Variants in EFNA5 observed in about 807,000 individuals in gnomAD.
EFNA5 encodes the protein ephrin A5, also known as ephrin-A5.
EFNA5 carries 5 observed loss-of-function variants against 22.9 expected under a neutral mutation model. The observed-to-expected ratio is 0.22, with a 90% confidence interval of 0.11 to 0.46. EFNA5 has a LOEUF of 0.46. EFNA5 is among the 20% of genes least tolerant of loss of function. The pLI, the probability that EFNA5 is intolerant of heterozygous loss-of-function variation, is 0.99. For synonymous variants in EFNA5, 113 were observed against 112.2 expected (o/e 1.01, Z -0.04); for missense variants, 237 against 293.3 (o/e 0.81, Z 1.40).
intron 1 of EFNA5, among the ~76,000 whole-genome samples, chr5:107,582,948 G>A (rs1019367333): frequency 2.6e-5 from 4 of 152,060 alleles, no homozygotes; most frequent in African/African-American, 4.8e-5. Context: ...ATGGCTTGAA[G>A]GGTTATAACA....
Position 107,380,905 on chromosome 5 carries a change from G to C in EFNA5, c.*350C>G, listed in dbSNP as rs892240216. ...TCCTTGTCCATAGCCCGCTGACACA[G>C]TGCGCTAACGGAGGTGAGTTCTTAG... On this transcript the variant is annotated 3_prime_UTR_variant, in exon 5 of 5. Transcript: ENST00000333274. The C allele has an allele frequency of 4.7e-6, 2 of 429,854 alleles. No individual in the cohort carries two copies. Among genetic ancestry groups the C allele is most frequent in the African/African-American group, 3.9e-5 (2 of 50,834 alleles). The allele number at this position is 429,854 out of a possible 1,614,324, so 26.6% of individuals were successfully genotyped here.
At chr5:107,608,512 A>G (rs965333525) in intron 1 of EFNA5, among the ~76,000 whole-genome samples, 1 of 152,230 alleles carries the variant, frequency 6.6e-6, no homozygotes, top group Non-Finnish European at 1.5e-5. Flanking sequence ...CTGCCTGCCT[A>G]TCTCAGCTGA....
At chr5:107,521,898 T>C (rs1747607364) in intron 1 of EFNA5, among the ~76,000 whole-genome samples, 2 of 152,132 alleles carry the variant, frequency 1.3e-5, no homozygotes, top group African/African-American at 2.4e-5. Flanking sequence ...GGATCAGTGA[T>C]CATTGCACAC....
chr5:107,631,823 T>A (rs1205433301), intron 1 of EFNA5, among the ~76,000 whole-genome samples: 1 of 152,252 alleles, frequency 6.6e-6, no homozygotes, highest in Non-Finnish European at 1.5e-5. Context: ...TTTCTCAAAG[T>A]AATACATATA....
intron 1 of EFNA5, among the ~76,000 whole-genome samples, chr5:107,666,309 A>C (rs1751064612): frequency 6.6e-6 from 1 of 152,042 alleles, no homozygotes; most frequent in South Asian, 2.1e-4. Context: ...ACTCAAGGGA[A>C]TATGATTAGG....
chr5:107,419,560 T>C (rs1490401578), intron 2 of EFNA5, among the ~76,000 whole-genome samples: 1 of 152,228 alleles, frequency 6.6e-6, no homozygotes, highest in African/African-American at 2.4e-5. Flanking sequence ...TTTGCATCTA[T>C]ATCTGGGTAC....
intron 1 of EFNA5, among the ~76,000 whole-genome samples, chr5:107,461,495 A>G (rs1211594473): frequency 7.2e-5 from 11 of 152,218 alleles, no homozygotes; most frequent in East Asian, 1.9e-4. Context: ...GAGGGGGGAA[A>G]AAAAGACCTT....
At chr5:107,489,660 A>C (rs1580488713) in intron 1 of EFNA5, among the ~76,000 whole-genome samples, 2 of 143,166 alleles carry the variant, frequency 1.4e-5, no homozygotes, top group African/African-American at 5.2e-5. Flanking sequence ...GACCCCACCT[A>C]CCCCCCCCAC....
chr5:107,607,678 C>T (rs1254851663), intron 1 of EFNA5, among the ~76,000 whole-genome samples: 1 of 152,144 alleles, frequency 6.6e-6, no homozygotes, highest in Non-Finnish European at 1.5e-5. Flanking sequence ...TTCTCCTTCA[C>T]CTCTCAACAC....
chr5:107,439,256 A>G (rs1749193092), intron 1 of EFNA5, among the ~76,000 whole-genome samples: 1 of 152,166 alleles, frequency 6.6e-6, no homozygotes, highest in Non-Finnish European at 1.5e-5. Flanking sequence ...CAGGGAGAAG[A>G]TGGCTGCCCC....
intron 2 of EFNA5, among the ~76,000 whole-genome samples, chr5:107,417,264 C>T (rs1748527241): frequency 1.3e-5 from 2 of 152,024 alleles, no homozygotes; most frequent in Non-Finnish European, 2.9e-5. Context: ...ATTCCAATTC[C>T]CAACAATAAT....
intron 4 of EFNA5, 102 bp from the exon 5 acceptor site, chr5:107,381,478 G>GGT: frequency 7.4e-7 from 1 of 1,349,178 alleles, no homozygotes; most frequent in Non-Finnish European, 9.9e-7. Flanking sequence ...CTGCAAAGTA[G>GGT]GGTAATGAAC....
intron 1 of EFNA5, among the ~76,000 whole-genome samples, chr5:107,494,420 C>A (rs1039007444): frequency 3.9e-5 from 6 of 152,212 alleles, no homozygotes; most frequent in African/African-American, 1.4e-4. Context: ...CTGGGTGCCC[C>A]AGCAGCGCCA....
At chr5:107,410,132 A>G (rs1021374018) in intron 2 of EFNA5, among the ~76,000 whole-genome samples, 5 of 145,278 alleles carry the variant, frequency 3.4e-5, no homozygotes, top group Non-Finnish European at 5.9e-5. Context: ...GGTTCACACC[A>G]TTCTCCTGCC....
At chr5:107,427,629 TGA>T in intron 1 of EFNA5, 120 bp from the exon 2 acceptor site, 1 of 850,726 alleles carries the variant, frequency 1.2e-6, no homozygotes, top group Non-Finnish European at 1.7e-6. Context: ...AAGTTCTTAC[TGA>T]ATGCCATTAT....
intron 1 of EFNA5, among the ~76,000 whole-genome samples, chr5:107,476,126 A>C (rs964651234): frequency 1.9e-4 from 26 of 140,238 alleles, no homozygotes; most frequent in African/African-American, 6.9e-4. Context: ...ATCTCGGCTC[A>C]CTGCAACCTC....
chr5:107,521,284 C>CT (rs916764504), intron 1 of EFNA5, among the ~76,000 whole-genome samples: 1 of 151,462 alleles, frequency 6.6e-6, no homozygotes, highest in Non-Finnish European at 1.5e-5. Context: ...TATGTATTTA[C>CT]TTATTTATTT....
chr5:107,537,331 T>C (rs1001237487), intron 1 of EFNA5, among the ~76,000 whole-genome samples: 2 of 151,812 alleles, frequency 1.3e-5, no homozygotes, highest in East Asian at 3.9e-4. Flanking sequence ...CTGCCTCTAC[T>C]AAAAATACAA....
intron 1 of EFNA5, among the ~76,000 whole-genome samples, chr5:107,514,665 T>TA (rs1184333111): frequency 2.0e-5 from 3 of 151,998 alleles, no homozygotes; most frequent in Non-Finnish European, 4.4e-5. Flanking sequence ...GTCAAGCAAA[T>TA]AAAAAAATTA....
Sources: allele counts gnomAD v4.1 joint callset (sites outside exome capture counted in the v4.1 genomes callset), GRCh38; gene constraint gnomAD v4.1.1; transcripts MANE v1.5; gene names NCBI Gene and HGNC (gene_info 2026-07-23, HGNC 2026-07-21).